FAF1: variants seen among roughly 807,000 people sequenced by gnomAD.
FAF1 encodes the protein Fas associated factor 1.
A neutral mutation model predicts 92.5 loss-of-function variants in FAF1; 25 were observed. The observed-to-expected ratio is 0.27, with a 90% CI of 0.20 to 0.38. The LOEUF (loss-of-function observed/expected upper bound fraction) is 0.38, where lower values mean the gene tolerates loss of function less well. Among genes scored for constraint, FAF1 ranks in the 10% least tolerant of loss-of-function variants. FAF1 has a pLI of 1.00. For missense variants in FAF1, 636 were observed against 793.3 expected (o/e 0.80, Z 2.38); for synonymous variants, 234 against 273.2 (o/e 0.86, Z 1.42).
Position 50,554,390 on chromosome 1 carries a change from T to TATATAGAGAGAGAGAGAG in FAF1, c.1268+12686_1268+12687insCTCTCTCTCTCTCTATAT. The stretch of plus-strand genomic sequence containing the variant: ...ATATATATATATATATATATATATA[T>TATATAGAGAGAGAGAGAG]AGAGAGAGAGAGAGAGAGAGAGAGA... On this transcript the variant is annotated intron_variant, in intron 13 of 18. Transcript: ENST00000396153. 6.6e-4 allele frequency among the ~76,000 whole-genome samples: 62 copies of TATATAGAGAGAGAGAGAG among 93,680 alleles called. 1 individual carries two copies. Among genetic ancestry groups the TATATAGAGAGAGAGAGAG allele is most frequent in the African/African-American group, 2.5e-3 (52 of 21,136 alleles). 61.5% of individuals were successfully genotyped at this position (93,680 alleles called of 152,430 possible).
intron 15 of FAF1, among the ~76,000 whole-genome samples, chr1:50,501,362 C>T (rs1215416142): frequency 6.6e-6 from 1 of 152,070 alleles, no homozygotes; most frequent in Non-Finnish European, 1.5e-5. Flanking sequence ...ATTAGAATGT[C>T]TCAGTTTAAA....
At chr1:50,843,533 C>T (rs771495355) in intron 2 of FAF1, among the ~76,000 whole-genome samples, 4 of 152,076 alleles carry the variant, frequency 2.6e-5, no homozygotes, top group Admixed American at 6.5e-5. Flanking sequence ...CTTCATCCCC[C>T]GCTCCCTACC....
intron 4 of FAF1, among the ~76,000 whole-genome samples, chr1:50,766,920 C>A (rs1660597748): frequency 6.6e-6 from 1 of 152,020 alleles, no homozygotes; most frequent in Non-Finnish European, 1.5e-5. Context: ...AGTGTCTTCT[C>A]ACCTCCACAC....
At chr1:50,829,534 A>G (rs780040284) in intron 2 of FAF1, among the ~76,000 whole-genome samples, 1 of 152,216 alleles carries the variant, frequency 6.6e-6, no homozygotes, top group Non-Finnish European at 1.5e-5. Flanking sequence ...TCCTTAACAC[A>G]TTCCACAAAA....
intron 7 of FAF1, among the ~76,000 whole-genome samples, chr1:50,665,614 A>G (rs1655581829): frequency 6.6e-6 from 1 of 152,192 alleles, no homozygotes; most frequent in Admixed American, 6.5e-5. Context: ...ATTTGTTTAC[A>G]TATTTTCTCT....
intron 9 of FAF1, among the ~76,000 whole-genome samples, chr1:50,595,508 A>C (rs1651755532): frequency 6.6e-6 from 1 of 152,128 alleles, no homozygotes; most frequent in Non-Finnish European, 1.5e-5. Context: ...AATCCTAATG[A>C]ATCTACTCAA....
chr1:50,910,071 T>C (rs1644872314), intron 1 of FAF1, among the ~76,000 whole-genome samples: 1 of 152,248 alleles, frequency 6.6e-6, no homozygotes, highest in African/African-American at 2.4e-5. Flanking sequence ...GGTGTGGATG[T>C]CCTTTCTGTT....
At chr1:50,819,357 G>A (rs1644009835) in intron 2 of FAF1, among the ~76,000 whole-genome samples, 1 of 151,684 alleles carries the variant, frequency 6.6e-6, no homozygotes. Flanking sequence ...GCGCACGCCT[G>A]TAATCCCAGC....
chr1:50,757,728 GAGA>G (rs1377404238), intron 4 of FAF1, among the ~76,000 whole-genome samples: 1 of 151,868 alleles, frequency 6.6e-6, no homozygotes, highest in Non-Finnish European at 1.5e-5. Flanking sequence ...ATTATAACAT[GAGA>G]TCATTTATAT....
At chr1:50,899,152 C>T (rs1644777353) in intron 1 of FAF1, among the ~76,000 whole-genome samples, 1 of 152,132 alleles carries the variant, frequency 6.6e-6, no homozygotes, top group Non-Finnish European at 1.5e-5. Flanking sequence ...GTCTACTCTG[C>T]TGTTAATCTC....
intron 15 of FAF1, among the ~76,000 whole-genome samples, chr1:50,502,846 G>T (rs929021937): frequency 3.3e-5 from 5 of 152,010 alleles, no homozygotes; most frequent in Non-Finnish European, 5.9e-5. Flanking sequence ...AAGAAACAGG[G>T]TCTCACTCTG....
At chr1:50,639,365 T>G (rs1157753349) in intron 8 of FAF1, among the ~76,000 whole-genome samples, 1 of 152,242 alleles carries the variant, frequency 6.6e-6, no homozygotes, top group Non-Finnish European at 1.5e-5. Context: ...CAGCTGCCGC[T>G]GTTTTCCAGA....
intron 1 of FAF1, among the ~76,000 whole-genome samples, chr1:50,946,561 A>G (rs1484390244): frequency 6.6e-6 from 1 of 152,220 alleles, no homozygotes; most frequent in African/African-American, 2.4e-5. Context: ...CGTGTCTGTC[A>G]ACATCCATCC....
rs184071860 is a variant in FAF1, at chr1:50,567,795, G to A, written c.1114-564C>T. On this transcript the variant is annotated intron_variant, in intron 12 of 18. Coordinates refer to ENST00000396153, the MANE Select transcript of FAF1 (RefSeq NM_007051.3). Reference sequence around the variant, plus strand: ...TCTCATATTAAGCCCTTATTTATCAGCATGTGACATGTAATTGACATTTGA... The same window carrying A: ...TCTCATATTAAGCCCTTATTTATCAACATGTGACATGTAATTGACATTTGA... 1.8e-4 allele frequency among the ~76,000 whole-genome samples: 28 copies of A among 152,098 alleles called. 1 individual carries two copies. Among genetic ancestry groups the A allele is most frequent in the Admixed American group, 1.8e-3 (27 of 15,274 alleles).
At chr1:50,513,867 G>T (rs1647170725) in intron 15 of FAF1, among the ~76,000 whole-genome samples, 1 of 152,124 alleles carries the variant, frequency 6.6e-6, no homozygotes. Flanking sequence ...TTAGAATGCA[G>T]ACCTCCTGAT....
chr1:50,470,541 T>C (rs193103200), intron 18 of FAF1, among the ~76,000 whole-genome samples: 1 of 152,344 alleles, frequency 6.6e-6, no homozygotes, highest in East Asian at 1.9e-4. Context: ...TTGATATCCA[T>C]CACTGTTCTA....
chr1:50,462,069 T>TTATA (rs142280723), intron 18 of FAF1: 1 of 147,590 alleles, frequency 6.8e-6, no homozygotes, highest in South Asian at 2.1e-4. Flanking sequence ...TATCAATATT[T>TTATA]TATATATATA....
At chr1:50,740,380 G>A (rs143624277) in intron 5 of FAF1, among the ~76,000 whole-genome samples, 124 of 151,936 alleles carry the variant, frequency 8.2e-4, no homozygotes, top group African/African-American at 2.9e-3. Context: ...CCTGGGGAGG[G>A]GCAATCTTAC....
At chr1:50,722,562 TG>T (rs1403063888) in intron 6 of FAF1, among the ~76,000 whole-genome samples, 2 of 145,678 alleles carry the variant, frequency 1.4e-5, no homozygotes, top group African/African-American at 5.2e-5. Flanking sequence ...GGCAGGAGAA[TG>T]GCATGAACCT....
Sources: allele counts gnomAD v4.1 joint callset (sites outside exome capture counted in the v4.1 genomes callset), GRCh38; gene constraint gnomAD v4.1.1; transcripts MANE v1.5; gene names NCBI Gene and HGNC (gene_info 2026-07-23, HGNC 2026-07-21).